The following FRAS1 variants were observed in gnomAD, a reference collection of about 807,000 sequenced individuals.
FRAS1 encodes extracellular matrix organizing protein FRAS1.
In FRAS1, 290 loss-of-function variants were observed where a neutral mutation model predicts 435.2. The observed-to-expected ratio is 0.67, with a 90% CI of 0.61 to 0.73. FRAS1 has a LOEUF of 0.73. Among genes scored for constraint, FRAS1 ranks in the 30% least tolerant of loss-of-function variants. FRAS1 has a pLI of 0.00. For synonymous variants in FRAS1, 1,800 were observed against 1,851.0 expected, an observed-to-expected ratio of 0.97 and a Z score of 0.71; for missense variants, 4,860 against 5,001.5, an observed-to-expected ratio of 0.97 and a Z score of 0.85.
At chr4:78,125,204 G>A (rs998068081) in intron 2 of FRAS1, among the ~76,000 whole-genome samples, 16 of 152,114 alleles carry the variant, frequency 1.1e-4, no homozygotes, top group African/African-American at 3.6e-4. Context: ...GTTCTCATTG[G>A]TTTCAAAGAA....
intron 2 of FRAS1, among the ~76,000 whole-genome samples, chr4:78,229,013 G>A (rs558780749): frequency 3.9e-4 from 60 of 152,152 alleles, no homozygotes; most frequent in Non-Finnish European, 7.5e-4. Flanking sequence ...TACCATTTTA[G>A]CATTGCTACC....
At chr4:78,447,315 C>A (rs1394105489) in intron 43 of FRAS1, among the ~76,000 whole-genome samples, 1 of 138,268 alleles carries the variant, frequency 7.2e-6, no homozygotes, top group East Asian at 2.1e-4. Context: ...CACTTTTCCT[C>A]ATTTAAACCA....
rs1724407439 is a variant in FRAS1 at position 78,229,208 on chromosome 4, A to G, written c.109-8302A>G. Among the ~76,000 whole-genome samples, 3 of 152,190 alleles carry G rather than the reference A, an allele frequency of 2.0e-5. No individual in the cohort carries two copies. In the South Asian group the frequency reaches 6.2e-4, roughly 32 times the overall value. ...CTGAACTTTGGTTTCCTTATCTGTAAAATGGAGATGATAAAATCTATCTCA... is the reference window on the plus strand; with the variant it reads ...CTGAACTTTGGTTTCCTTATCTGTAGAATGGAGATGATAAAATCTATCTCA... On this transcript the variant is annotated intron_variant, in intron 2 of 73. Coordinates refer to ENST00000512123, the MANE Select transcript of FRAS1 (RefSeq NM_025074.7).
In FRAS1 at chr4:78,466,296, C is replaced by T. The variant is rs919140946; in HGVS notation, c.7118C>T (p.Ser2373Phe). 1.9e-6 allele frequency: 3 copies of T among 1,613,826 alleles called. No homozygotes were observed. The Admixed American group carries it at 5.0e-5, about 27-fold the overall frequency. Reference sequence around the variant, plus strand: ...AATGGGCAGCATTTCCACCTCACCTCCACCTTCACCATGAAAGATATCTAC... The same window carrying T: ...AATGGGCAGCATTTCCACCTCACCTTCACCTTCACCATGAAAGATATCTAC... ...TSNGQHFHLT[S>F]TFTMKDIYQN... Residue 2373 changes from serine to phenylalanine, a missense_variant, in exon 50 of 74, where the codon TCC (serine) becomes TTC (phenylalanine). Transcript: ENST00000512123.
intron 14 of FRAS1, among the ~76,000 whole-genome samples, chr4:78,292,149 C>A (rs1313984637): frequency 4.6e-5 from 7 of 152,076 alleles, no homozygotes. Flanking sequence ...GAGATAAAAA[C>A]CAAATAGCTT....
intron 2 of FRAS1, among the ~76,000 whole-genome samples, chr4:78,066,251 A>ACG (rs1026426295): frequency 4.6e-5 from 7 of 152,312 alleles, no homozygotes; most frequent in African/African-American, 1.7e-4. Flanking sequence ...CACTCAACAC[A>ACG]CGATTTACAT....
rs538357852 is a variant in FRAS1, at chr4:78,219,669, A to G, written c.109-17841A>G. Among the ~76,000 whole-genome samples, 113 of 152,346 alleles carry G rather than the reference A, an allele frequency of 7.4e-4. 2 individuals carry two copies. The highest frequency in any genetic ancestry group is 3.4e-3 in the Middle Eastern group (1 of 294). On this transcript the variant is annotated intron_variant, in intron 2 of 73. Transcript: ENST00000512123. The stretch of plus-strand genomic sequence containing the variant: ...GAAACAATAATAAACTTTGTTGAGA[A>G]GGTTGAGTTTTCTCCAGAGTTTACT...
At chr4:78,343,376 T>C (rs770759403) in intron 20 of FRAS1, among the ~76,000 whole-genome samples, 103 of 152,104 alleles carry the variant, frequency 6.8e-4, no homozygotes, top group Non-Finnish European at 1.2e-3. Context: ...TAAAAGAAAA[T>C]CATGAACCTG....
intron 18 of FRAS1, among the ~76,000 whole-genome samples, chr4:78,323,741 C>T (rs182014072): frequency 2.0e-4 from 31 of 152,202 alleles, no homozygotes; most frequent in Non-Finnish European, 4.1e-4. Context: ...GGATCTAGAA[C>T]TGTATGTCTC....
chr4:78,318,888 T>C lies in FRAS1; in HGVS notation c.2039T>C (p.Leu680Pro). 1 of 1,614,000 alleles carries C rather than the reference T, an allele frequency of 6.2e-7. No homozygotes were observed. Among genetic ancestry groups the C allele is most frequent in the African/African-American group, 1.3e-5 (1 of 75,068 alleles). The change falls in exon 18 of 74, where the codon CTG (leucine) becomes CCG (proline). Residue 680 changes from leucine to proline, a missense_variant. Leu to Pro is a moderately conservative substitution (Grantham distance 98, BLOSUM62 -3). Transcript: ENST00000512123. ...GGGTGTAAGAAGCCAGAGGAAGGAC[T>C]GCAAGTGGAGCAGCTGTCTGACGTG... ...CTGCKKPEEGLQVEQLSDVGI... is the reference protein window; with the variant it reads ...CTGCKKPEEGPQVEQLSDVGI...
At position 78,464,582 on chromosome 4, in the gene FRAS1, A is replaced by G; in HGVS notation, c.7028A>G (p.Glu2343Gly). 6 of 1,613,554 alleles carry G rather than the reference A, an allele frequency of 3.7e-6. No homozygotes were observed. The highest frequency in any genetic ancestry group is 5.1e-6 in the Non-Finnish European group (6 of 1,179,758). The change falls in exon 49 of 74, where the codon GAG becomes GGG. Residue 2343 changes from glutamate (E) to glycine (G), a missense_variant and splice_region_variant. Glu to Gly is a moderately conservative substitution (Grantham distance 98). Transcript: ENST00000512123. The part of the protein sequence containing the change: ...FELKAVDADT[E>G]AESVTFTIVQ... ...CTTAAGGCGGTGGATGCTGACACAG[A>G]GGTAAGAGCACTTCTTCCCATGGGT... is the stretch of plus-strand genomic sequence containing the variant.
rs115062541 is a variant in FRAS1 at position 78,450,543 on chromosome 4, A to G, written c.6463+204A>G. On this transcript the variant is annotated intron_variant, in intron 45 of 73. Transcript: ENST00000512123. ...TATCTTTCTTGGTTGAAATGTGTTC[A>G]TGCTTTGACTTAGCATTGGTGGCAT... is the stretch of plus-strand genomic sequence containing the variant. 9.6e-3 allele frequency: 5,281 copies of G among 549,860 alleles called. 223 individuals are homozygous for G. The highest frequency in any genetic ancestry group is 0.089 in the African/African-American group (4,660 of 52,208). The allele number at this position is 549,860 out of a possible 1,614,324, so 34.1% of individuals were successfully genotyped here. A position where few individuals can be genotyped will look rare whatever the true frequency, so the allele number is the denominator to read the frequency against.
At chr4:78,195,166 G>C (rs1008191176) in intron 2 of FRAS1, among the ~76,000 whole-genome samples, 1 of 152,212 alleles carries the variant, frequency 6.6e-6, no homozygotes, top group Non-Finnish European at 1.5e-5. Flanking sequence ...GCCGTGTGAG[G>C]TGTCAGTCTG....
intron 2 of FRAS1, among the ~76,000 whole-genome samples, chr4:78,143,800 A>G (rs1314548482): frequency 6.7e-6 from 1 of 150,294 alleles, no homozygotes; most frequent in Non-Finnish European, 1.5e-5. Flanking sequence ...GCTACTTGGG[A>G]GGCTGAGGTG....
intron 36 of FRAS1, among the ~76,000 whole-genome samples, chr4:78,429,896 G>C (rs1305087764): frequency 6.6e-6 from 1 of 152,068 alleles, no homozygotes; most frequent in Non-Finnish European, 1.5e-5. Flanking sequence ...TGCTCACTTG[G>C]CTCTTTGTAG....
chr4:78,464,476 GT>G lies in FRAS1; in HGVS notation c.6923del (p.Val2308AlafsTer11). ...GACTTTCCATATCACTCTTCACCCTGTCGATGATTCGCTGCCCGTCGTACAG... is the reference window on the plus strand; with the variant it reads ...GACTTTCCATATCACTCTTCACCCTGCGATGATTCGCTGCCCGTCGTACAG... The part of the protein sequence containing the change: ...TQTFHITLHP[V>X]DDSLPVVQNL... On this transcript the variant is annotated frameshift_variant, in exon 49 of 74. Transcript: ENST00000512123. LOFTEE classifies it high-confidence loss of function. 1 of 1,614,010 alleles carries G rather than the reference GT, an allele frequency of 6.2e-7. No individual in the cohort carries two copies.
chr4:78,459,636 C>G (rs527498809), intron 47 of FRAS1, among the ~76,000 whole-genome samples: 18 of 152,334 alleles, frequency 1.2e-4, no homozygotes, highest in African/African-American at 4.1e-4. Context: ...AGAGCAGAGG[C>G]ATATTAGCTT....
chr4:78,115,199 C>G (rs13120423), intron 2 of FRAS1, among the ~76,000 whole-genome samples: 21 of 150,272 alleles, frequency 1.4e-4, no homozygotes, highest in East Asian at 3.9e-4. Flanking sequence ...ATGGTGGATA[C>G]GCTTATTGAT....
At chr4:78,091,020 AAG>A (rs1451863549) in intron 2 of FRAS1, among the ~76,000 whole-genome samples, 2 of 152,322 alleles carry the variant, frequency 1.3e-5, no homozygotes, top group African/African-American at 4.8e-5. Context: ...TGGGTTTTAG[AAG>A]AAATTTTAGC....
Sources: gnomAD v4.1 joint callset for allele counts (sites outside exome capture counted in the v4.1 genomes callset) on GRCh38, gnomAD v4.1.1 for gene constraint, MANE v1.5 for transcripts, NCBI Gene and HGNC (gene_info 2026-07-23, HGNC 2026-07-21) for gene names.